PGM2L1: variants seen among roughly 807,000 people sequenced by gnomAD.
The protein encoded by PGM2L1 is phosphoglucomutase 2 like 1, also known as glucose 1,6-bisphosphate synthase.
Under a neutral mutation model 73.4 loss-of-function variants are expected in PGM2L1, and 35 were observed. The observed-to-expected ratio is 0.48, with a 90% confidence interval of 0.36 to 0.63. The LOEUF (loss-of-function observed/expected upper bound fraction) is 0.63, where lower values mean the gene tolerates loss of function less well. PGM2L1 is among the 30% of genes least tolerant of loss of function. PGM2L1 has a pLI of 0.00. For missense variants in PGM2L1, 570 were observed against 742.0 expected, an observed-to-expected ratio of 0.77 and a Z score of 2.69; for synonymous variants, 225 against 253.8, an observed-to-expected ratio of 0.89 and a Z score of 1.08.
chr11:74,384,460 C>T (rs1268765405), intron 1 of PGM2L1, among the ~76,000 whole-genome samples: 1 of 151,916 alleles, frequency 6.6e-6, no homozygotes, highest in East Asian at 1.9e-4. Flanking sequence ...AATATAGGAG[C>T]CCTTGCCGGT....
chr11:74,369,421 A>G (rs1862715866), intron 4 of PGM2L1, among the ~76,000 whole-genome samples: 1 of 150,942 alleles, frequency 6.6e-6, no homozygotes, highest in Non-Finnish European at 1.5e-5. Context: ...GAATGCTGAC[A>G]CTGCTGCCAT....
intron 5 of PGM2L1, among the ~76,000 whole-genome samples, chr11:74,358,750 G>A (rs1423945042): frequency 2.0e-5 from 3 of 152,086 alleles, no homozygotes; most frequent in Non-Finnish European, 4.4e-5. Flanking sequence ...TTAGCCAGGC[G>A]TGATGGTGCA....
At chr11:74,350,919 A>AAGAGAG (rs373985712) in intron 6 of PGM2L1, among the ~76,000 whole-genome samples, 1 of 135,462 alleles carries the variant, frequency 7.4e-6, no homozygotes, top group Non-Finnish European at 1.6e-5. Context: ...GAGAGAGAGA[A>AAGAGAG]AGAGAGAGAG....
At chr11:74,366,898 G>A (rs771174542) in intron 5 of PGM2L1, among the ~76,000 whole-genome samples, 1 of 152,182 alleles carries the variant, frequency 6.6e-6, no homozygotes, top group Non-Finnish European at 1.5e-5. Context: ...GAGATCATCT[G>A]TCTGCTTTGT....
chr11:74,389,489 A>T (rs761054467), intron 1 of PGM2L1, among the ~76,000 whole-genome samples: 13 of 151,186 alleles, frequency 8.6e-5, no homozygotes, highest in Admixed American at 3.3e-4. Flanking sequence ...TCGCTCTGTC[A>T]CCCAGGCTGG....
intron 5 of PGM2L1, among the ~76,000 whole-genome samples, chr11:74,362,530 T>C (rs1862581339): frequency 6.6e-6 from 1 of 152,098 alleles, no homozygotes; most frequent in African/African-American, 2.4e-5. Flanking sequence ...CAGGATCAAA[T>C]TCACACATAA....
In PGM2L1 at chr11:74,338,481, A is replaced by G. The variant is rs979239481; in HGVS notation, c.1753T>C (p.Ser585Pro). ...ATCAATTCTTACCTCTGGTCAGGTGACGCACACATCTCTGCATAATACTTT... is the reference window on the plus strand; with the variant it reads ...ATCAATTCTTACCTCTGGTCAGGTGGCGCACACATCTCTGCATAATACTTT... ...KIKYYAEMCA[S>P]PDQSDTALLE... Residue 585 changes from serine to proline, a missense_variant, in exon 13 of 14, where the codon TCA (serine) becomes CCA (proline). Transcript: ENST00000298198. The G allele has an allele frequency of 6.3e-7, 1 of 1,579,268 alleles. No homozygotes were observed. The highest frequency in any genetic ancestry group is 8.7e-7 in the Non-Finnish European group (1 of 1,154,450).
chr11:74,345,897 A>G (rs1331950257), intron 8 of PGM2L1, among the ~76,000 whole-genome samples: 1 of 152,174 alleles, frequency 6.6e-6, no homozygotes, highest in Non-Finnish European at 1.5e-5. Context: ...GAGAGAAAAA[A>G]TTATGATAAA....
chr11:74,365,657 A>G (rs1439486143), intron 5 of PGM2L1, among the ~76,000 whole-genome samples: 3 of 152,172 alleles, frequency 2.0e-5, no homozygotes, highest in Non-Finnish European at 2.9e-5. Flanking sequence ...CAAAACCACA[A>G]TGAGATACCA....
chr11:74,386,510 C>T (rs1160490372), intron 1 of PGM2L1, among the ~76,000 whole-genome samples: 3 of 151,256 alleles, frequency 2.0e-5, no homozygotes, highest in Non-Finnish European at 4.4e-5. Flanking sequence ...GGGTCCCACT[C>T]TGTCACCCAG....
chr11:74,376,784 G>A (rs1476654742), intron 1 of PGM2L1, among the ~76,000 whole-genome samples: 2 of 151,660 alleles, frequency 1.3e-5, no homozygotes, highest in Non-Finnish European at 2.9e-5. Context: ...TTGAAAAACT[G>A]GTAAGTTAGA....
At chr11:74,382,453 C>T (rs116330780) in intron 1 of PGM2L1, among the ~76,000 whole-genome samples, 4,116 of 152,286 alleles carry the variant, frequency 0.027, 57 homozygotes, top group African/African-American at 0.037. Flanking sequence ...TGGCCTAGCC[C>T]TGAAAGGCAG....
At chr11:74,350,228 A>C (rs572017552) in intron 6 of PGM2L1, among the ~76,000 whole-genome samples, 1 of 152,324 alleles carries the variant, frequency 6.6e-6, no homozygotes, top group East Asian at 1.9e-4. Context: ...TATACTTTTG[A>C]AATTAAAATA....
Position 74,331,955 on chromosome 11 carries a change from G to A in PGM2L1, c.*4697C>T, listed in dbSNP as rs578020333. ...CATTCTTATAGGTTCTCTTTTATAAGTACATAGTCTTGAATAAACAAAGAG... is the reference window on the plus strand; with the variant it reads ...CATTCTTATAGGTTCTCTTTTATAAATACATAGTCTTGAATAAACAAAGAG... On this transcript the variant is annotated 3_prime_UTR_variant, in exon 14 of 14. Coordinates refer to ENST00000298198, the MANE Select transcript of PGM2L1 (RefSeq NM_173582.6). 7 of 152,212 alleles carry A rather than the reference G, an allele frequency of 4.6e-5. No individual in the cohort carries two copies. In the South Asian group the frequency reaches 6.2e-4, roughly 14 times the overall value. 9.4% of individuals were successfully genotyped at this position (152,212 alleles called of 1,614,324 possible).
At chr11:74,356,351 A>G (rs1862455057) in intron 5 of PGM2L1, among the ~76,000 whole-genome samples, 1 of 152,230 alleles carries the variant, frequency 6.6e-6, no homozygotes, top group South Asian at 2.1e-4. Context: ...TAAATTGAAT[A>G]ATGTTACCAG....
intron 5 of PGM2L1, among the ~76,000 whole-genome samples, chr11:74,363,501 A>G (rs1335777339): frequency 6.6e-6 from 1 of 152,216 alleles, no homozygotes; most frequent in Non-Finnish European, 1.5e-5. Flanking sequence ...AAAAGAGAGA[A>G]GAATCAAATG....
In PGM2L1 at chr11:74,330,670, A is replaced by G. The variant is rs1004120311; in HGVS notation, c.*5982T>C. On this transcript the variant is annotated 3_prime_UTR_variant, in exon 14 of 14. Transcript: ENST00000298198. ...GCTCTTGTAAGATACATGATGAATC[A>G]TAACAGTGGACAAAAACATACCAAA... is the stretch of plus-strand genomic sequence containing the variant. 1.3e-5 allele frequency: 2 copies of G among 152,664 alleles called. No individual in the cohort carries two copies. Among genetic ancestry groups the G allele is most frequent in the African/African-American group, 4.8e-5 (2 of 41,466 alleles). The allele number at this position is 152,664 out of a possible 1,614,324, so 9.5% of individuals were successfully genotyped here.
At chr11:74,351,102 C>T (rs1444373319) in intron 6 of PGM2L1, among the ~76,000 whole-genome samples, 9 of 152,128 alleles carry the variant, frequency 5.9e-5, no homozygotes, top group Admixed American at 5.9e-4. Flanking sequence ...TGGCTTCTTT[C>T]ACTTAGCATG....
At chr11:74,347,404 A>C in intron 6 of PGM2L1, 67 bp from the exon 7 acceptor site, 1 of 1,266,280 alleles carries the variant, frequency 7.9e-7, no homozygotes, top group South Asian at 1.9e-5. Flanking sequence ...ATTAAAAACA[A>C]TCAAATTCTG....
Sources: allele counts gnomAD v4.1 joint callset (sites outside exome capture counted in the v4.1 genomes callset), GRCh38; gene constraint gnomAD v4.1.1; transcripts MANE v1.5; gene names NCBI Gene and HGNC (gene_info 2026-07-23, HGNC 2026-07-21).